The following PRRC2B variants were observed in gnomAD, a reference collection of about 807,000 sequenced individuals.
The protein encoded by PRRC2B is proline rich coiled-coil 2B.
PRRC2B carries 68 observed loss-of-function variants against 242.3 expected under a neutral mutation model. That is an observed-to-expected ratio of 0.28 (90% CI 0.23 to 0.34). PRRC2B has a LOEUF of 0.34. Ranked by LOEUF, PRRC2B falls within the 10% of genes least tolerant of loss-of-function variation. PRRC2B has a pLI of 1.00. For missense variants in PRRC2B, 2,835 were observed against 2,954.8 expected, an observed-to-expected ratio of 0.96 and a Z score of 0.94; for synonymous variants, 1,228 against 1,173.6, an observed-to-expected ratio of 1.05 and a Z score of -0.95.
chr9:131,490,609 C>T (rs759884158), intron 28 of PRRC2B: 7 of 518,938 alleles, frequency 1.3e-5, no homozygotes, highest in Non-Finnish European at 2.7e-5. Context: ...ATCCTGTTCC[C>T]CTGTCCTTAC....
At position 131,483,268 on chromosome 9, in the gene PRRC2B, C is replaced by A. The variant is rs1391254110; in HGVS notation, c.5374-91C>A. ...ATGCTGCTCAGTGGAGTTTTTGAGT[C>A]GGGGAAACTGCATCACGTTAATGTA... On this transcript the variant is annotated intron_variant, in intron 22 of 31. Coordinates refer to ENST00000683519, the MANE Select transcript of PRRC2B (RefSeq NM_013318.4). 6 of 1,235,140 alleles carry A rather than the reference C, an allele frequency of 4.9e-6. No individual in the cohort carries two copies. In the East Asian group the frequency reaches 9.5e-5, roughly 20 times the overall value. The allele number at this position is 1,235,140 out of a possible 1,614,324, so 76.5% of individuals were successfully genotyped here. A position where few individuals can be genotyped will look rare whatever the true frequency, so the allele number is the denominator to read the frequency against.
chr9:131,387,254 G>A (rs1305816020), intron 1 of PRRC2B, among the ~76,000 whole-genome samples: 2 of 150,120 alleles, frequency 1.3e-5, no homozygotes, highest in Admixed American at 6.9e-5. Flanking sequence ...GCCCGTCTCC[G>A]CCTCCCAAAG....
chr9:131,415,957 C>G (rs892927750), intron 1 of PRRC2B, among the ~76,000 whole-genome samples: 1 of 152,022 alleles, frequency 6.6e-6, no homozygotes, highest in Admixed American at 6.6e-5. Flanking sequence ...TCCTTCCCCC[C>G]ACCCCACCCC....
rs764862450 is a variant in PRRC2B at position 131,436,612 on chromosome 9, T to C, written c.294-8T>C. The C allele has an allele frequency of 5.0e-6, 8 of 1,611,744 alleles. No individual in the cohort carries two copies. In the Admixed American group the frequency reaches 1.2e-4, roughly 24 times the overall value. On this transcript the variant is annotated splice_region_variant and splice_polypyrimidine_tract_variant and intron_variant, in intron 3 of 31. Coordinates refer to ENST00000683519, the MANE Select transcript of PRRC2B (RefSeq NM_013318.4). ...GGTGCCTGACCCCACTGCCCTGCCT[T>C]TGTCTAGTTCCAGTGCGACGGCCTC...
At chr9:131,407,042 C>G (rs554672198) in intron 1 of PRRC2B, among the ~76,000 whole-genome samples, 1 of 152,202 alleles carries the variant, frequency 6.6e-6, no homozygotes, top group Non-Finnish European at 1.5e-5. Context: ...GCAAAGACAT[C>G]TCATATGGCT....
At position 131,475,921 on chromosome 9, in the gene PRRC2B, C is replaced by T. The variant is rs1182872822; in HGVS notation, c.3792C>T (p.Asp1264=). The T allele has an allele frequency of 1.5e-5, 24 of 1,613,934 alleles. No homozygotes were observed. Among genetic ancestry groups the T allele is most frequent in the East Asian group, 4.5e-5 (2 of 44,868 alleles). ...TCCCAGATTCCTACAGACACCCTGA[C>T]GCATTTGGTGGCCGGGGCTTTGAGG... ...DYVPDSYRHP[D]AFGGRGFEDS... The change falls in exon 16 of 32, where the codon GAC becomes GAT. Residue 1264 remains aspartate (D), a synonymous_variant. Coordinates refer to ENST00000683519, the MANE Select transcript of PRRC2B (RefSeq NM_013318.4).
intron 20 of PRRC2B, among the ~76,000 whole-genome samples, 189 bp downstream of exon 20, chr9:131,481,997 G>A (rs916364869): frequency 3.3e-5 from 5 of 152,224 alleles, no homozygotes; most frequent in Non-Finnish European, 4.4e-5. Context: ...TGTGCATGGG[G>A]CGTGCATGAG....
chr9:131,373,672 C>T (rs1011496195), exon 1 of PRRC2B: 2 of 152,248 alleles, frequency 1.3e-5, no homozygotes, highest in African/African-American at 4.8e-5. Context: ...TGGGCCGCCG[C>T]GATTCTGGGC....
rs375437975 is a variant in PRRC2B, at chr9:131,484,991, C to T, written c.5609C>T (p.Pro1870Leu). The T allele has an allele frequency of 9.9e-6, 16 of 1,613,248 alleles. No individual in the cohort carries two copies. The African/African-American group carries it at 1.3e-4, about 13-fold the overall frequency. ...GCTTGGGAAAACTCCCCCAGTTTGC[C>T]GGAGCAGAGCTCTCCAGGCGGCGCT... ...RKAWENSPSL[P>L]EQSSPGGAGS... The change falls in exon 25 of 32, where the codon CCG becomes CTG. Residue 1870 changes from proline (P) to leucine (L), a missense_variant. Physicochemically the swap from Pro to Leu is moderately conservative, Grantham distance 98. Around this residue, in one of 7 missense-constraint regions of PRRC2B, gnomAD observed 574 missense variants for 626.0 expected, o/e 0.92. Coordinates refer to ENST00000683519, the MANE Select transcript of PRRC2B (RefSeq NM_013318.4).
intron 25 of PRRC2B, 25 bp from the exon 26 acceptor site, chr9:131,486,060 G>A (rs370170466): frequency 5.0e-5 from 75 of 1,493,436 alleles, no homozygotes; most frequent in Middle Eastern, 1.7e-4. Flanking sequence ...CCTCTTCTAC[G>A]TCCCTTTTGC....
chr9:131,466,824 C>G (rs903423252), intron 12 of PRRC2B, among the ~76,000 whole-genome samples: 1 of 148,336 alleles, frequency 6.7e-6, no homozygotes, highest in East Asian at 2.0e-4. Context: ...TTTTTGGAGA[C>G]GGATTCTCAC....
chr9:131,426,610 C>A (rs1231232206), intron 1 of PRRC2B, among the ~76,000 whole-genome samples: 2 of 152,088 alleles, frequency 1.3e-5, no homozygotes, highest in African/African-American at 4.8e-5. Context: ...ATGGGCACCG[C>A]AGTCAGGATT....
chr9:131,421,320 G>A (rs1382499171), intron 1 of PRRC2B, among the ~76,000 whole-genome samples: 2 of 152,196 alleles, frequency 1.3e-5, no homozygotes, highest in Non-Finnish European at 2.9e-5. Flanking sequence ...TTACGTTAAA[G>A]GTTTTTTTGC....
At chr9:131,491,691 GC>G in intron 29 of PRRC2B, 111 bp downstream of exon 29, 2 of 1,061,220 alleles carry the variant, frequency 1.9e-6, no homozygotes, top group Non-Finnish European at 2.6e-6. Context: ...GCGTGGGACT[GC>G]CAGGGCAGAA....
At chr9:131,406,554 A>G (rs1483159554) in intron 1 of PRRC2B, among the ~76,000 whole-genome samples, 1 of 152,200 alleles carries the variant, frequency 6.6e-6, no homozygotes, top group Non-Finnish European at 1.5e-5. Context: ...ACTTAGACCT[A>G]CCTGCTATGA....
In PRRC2B at chr9:131,467,048, G is replaced by T. The variant is rs1033860416; in HGVS notation, c.1721-515G>T. ...TATCTCCTGACCTCGTGATCCATCC[G>T]CCTCGGCCTCCCAAAGTGCTGGGAT... On this transcript the variant is annotated intron_variant, in intron 12 of 31. Coordinates refer to ENST00000683519, the MANE Select transcript of PRRC2B (RefSeq NM_013318.4). Among the ~76,000 whole-genome samples the T allele has an allele frequency of 7.2e-5, 11 of 152,040 alleles. No individual in the cohort carries two copies. In the South Asian group the frequency reaches 1.7e-3, roughly 23 times the overall value.
chr9:131,450,125 T>C (rs1942863428), intron 9 of PRRC2B, among the ~76,000 whole-genome samples: 1 of 152,238 alleles, frequency 6.6e-6, no homozygotes, highest in Admixed American at 6.5e-5. Flanking sequence ...ATTTCAGTAG[T>C]GTAAGTTTTC....
At position 131,496,247 on chromosome 9, in the gene PRRC2B, G is replaced by C. The variant is rs939604369; in HGVS notation, c.*373G>C. On this transcript the variant is annotated 3_prime_UTR_variant, in exon 32 of 32. Coordinates refer to ENST00000683519, the MANE Select transcript of PRRC2B (RefSeq NM_013318.4). ...TTCCGGCCCAGCCGCCCATCCCTAG[G>C]CACAGTGATTTGGCAGCAGGGTCAT... is the stretch of plus-strand genomic sequence containing the variant. The C allele has an allele frequency of 5.2e-6, 1 of 194,146 alleles. No homozygotes were observed. The highest frequency in any genetic ancestry group is 2.3e-5 in the African/African-American group (1 of 43,096). 12.0% of individuals were successfully genotyped at this position (194,146 alleles called of 1,614,324 possible). A position where few individuals can be genotyped will look rare whatever the true frequency, so the allele number is the denominator to read the frequency against.
chr9:131,430,220 A>G lies in PRRC2B; in HGVS notation c.76A>G (p.Lys26Glu). ...GTACTCGACTCTCAGCCTGTTTGAT[A>G]AGTATAAAGGAAAATCAGTAGACGC... ...SKYSTLSLFD[K>E]YKGKSVDAIR... The change falls in exon 2 of 32, where the codon AAG (lysine) becomes GAG (glutamate). Residue 26 changes from lysine to glutamate, a missense_variant. Coordinates refer to ENST00000683519, the MANE Select transcript of PRRC2B (RefSeq NM_013318.4). 3 of 1,606,132 alleles carry G rather than the reference A, an allele frequency of 1.9e-6. No individual in the cohort carries two copies. Among genetic ancestry groups the G allele is most frequent in the Non-Finnish European group, 2.6e-6 (3 of 1,176,252 alleles).
Sources: allele counts gnomAD v4.1 joint callset (sites outside exome capture counted in the v4.1 genomes callset), GRCh38; gene constraint gnomAD v4.1.1; regional missense constraint gnomAD v4.1.1; transcripts MANE v1.5; gene names NCBI Gene and HGNC (gene_info 2026-07-23, HGNC 2026-07-21).